Variants in SLAMF1 observed in about 807,000 individuals in gnomAD.
The protein encoded by SLAMF1 is signaling lymphocytic activation molecule family member 1.
In SLAMF1, 18 loss-of-function variants were observed where a neutral mutation model predicts 35.1. That is an observed-to-expected ratio of 0.51 (90% CI 0.35 to 0.76). The LOEUF is 0.76. Ranked by LOEUF, SLAMF1 falls within the 30% of genes least tolerant of loss-of-function variation. The pLI is 0.01. For missense variants in SLAMF1, 392 were observed against 413.0 expected (o/e 0.95, Z 0.44); for synonymous variants, 168 against 157.2 (o/e 1.07, Z -0.51).
Position 160,627,424 on chromosome 1 carries a change from T to C in SLAMF1, c.701-3239A>G, listed in dbSNP as rs895780878. Among the ~76,000 whole-genome samples the C allele has an allele frequency of 3.3e-5, 5 of 152,160 alleles. No homozygotes were observed. The East Asian group carries it at 9.6e-4, about 29-fold the overall frequency. ...GTCTCAGTAAATTCTTGTTGATTGA[T>C]TGGAAAGACAAGAAAATGAGTTTGA... On this transcript the variant is annotated intron_variant, in intron 3 of 6. Coordinates refer to ENST00000302035, the MANE Select transcript of SLAMF1 (RefSeq NM_003037.5).
In SLAMF1 at chr1:160,619,853, G is replaced by C; in HGVS notation, c.791-4C>G. 1.9e-6 allele frequency: 3 copies of C among 1,603,838 alleles called. No homozygotes were observed. Among genetic ancestry groups the C allele is most frequent in the Non-Finnish European group, 2.6e-6 (3 of 1,170,710 alleles). ...GTCTGGTAATGGTTCGTTTTACCTG[G>C]TGAAAAGAAACCATAATGGTTATCT... On this transcript the variant is annotated splice_region_variant and splice_polypyrimidine_tract_variant and intron_variant, in intron 4 of 6. Coordinates refer to ENST00000302035, the MANE Select transcript of SLAMF1 (RefSeq NM_003037.5).
chr1:160,635,534 T>A (rs970408675), intron 2 of SLAMF1, among the ~76,000 whole-genome samples: 10 of 151,926 alleles, frequency 6.6e-5, no homozygotes, highest in Non-Finnish European at 1.2e-4. Context: ...GCAACTATTA[T>A]AGGACAAGCA....
chr1:160,628,315 T>G (rs1250355687), intron 3 of SLAMF1, among the ~76,000 whole-genome samples: 1 of 152,188 alleles, frequency 6.6e-6, no homozygotes, highest in East Asian at 1.9e-4. Flanking sequence ...CCTAGCAGGT[T>G]CAGACTCTCT....
chr1:160,636,617 G>A (rs967907305), intron 2 of SLAMF1, among the ~76,000 whole-genome samples: 1 of 152,234 alleles, frequency 6.6e-6, no homozygotes, highest in Admixed American at 6.5e-5. Context: ...TATAACCAAA[G>A]CCTTTGTTTA....
At chr1:160,643,261 A>G (rs1367622663) in intron 1 of SLAMF1, among the ~76,000 whole-genome samples, 2 of 152,092 alleles carry the variant, frequency 1.3e-5, no homozygotes, top group African/African-American at 4.8e-5. Flanking sequence ...AGTCCGTTAC[A>G]TGTCTTGGCT....
At chr1:160,631,169 A>G (rs1234386011) in intron 3 of SLAMF1, among the ~76,000 whole-genome samples, 4 of 152,192 alleles carry the variant, frequency 2.6e-5, no homozygotes, top group Non-Finnish European at 5.9e-5. Flanking sequence ...AACTGGTAGT[A>G]TTCGTTATTC....
rs78822704 is a variant in SLAMF1, at chr1:160,643,726, G to A, written c.76+3144C>T. On this transcript the variant is annotated intron_variant, in intron 1 of 6. Transcript: ENST00000302035. ...GATCAAATCGGGTTAATTGGGATAT[G>A]TATCACCTTGAGTATTTCTCTTTTC... Among the ~76,000 whole-genome samples, 695 of 152,302 alleles carry A rather than the reference G, an allele frequency of 4.6e-3. 6 individuals carry two copies. The highest frequency in any genetic ancestry group is 0.015 in the African/African-American group (632 of 41,566).
At position 160,609,993 on chromosome 1, in the gene SLAMF1, C is replaced by A; in HGVS notation, c.*755G>T. 1 of 203,276 alleles carries A rather than the reference C, an allele frequency of 4.9e-6. No homozygotes were observed. Among genetic ancestry groups the A allele is most frequent in the South Asian group, 6.9e-5 (1 of 14,420 alleles). The allele number at this position is 203,276 out of a possible 1,614,324, so 12.6% of individuals were successfully genotyped here. On this transcript the variant is annotated 3_prime_UTR_variant, in exon 7 of 7. Coordinates refer to ENST00000302035, the MANE Select transcript of SLAMF1 (RefSeq NM_003037.5). ...ATTCCAAGCTCCTTTGTAACAGCACCATCAAACATTTGCTACGTTTTTCTT... is the reference window on the plus strand; with the variant it reads ...ATTCCAAGCTCCTTTGTAACAGCACAATCAAACATTTGCTACGTTTTTCTT...
chr1:160,640,325 C>CACATATAT (rs1303073948), intron 1 of SLAMF1, among the ~76,000 whole-genome samples: 52 of 94,120 alleles, frequency 5.5e-4, no homozygotes, highest in African/African-American at 2.1e-3. Context: ...TTAGGTTTGT[C>CACATATAT]ATATATATAT....
intron 5 of SLAMF1, among the ~76,000 whole-genome samples, chr1:160,614,568 G>A (rs1178989632): frequency 3.0e-5 from 3 of 99,208 alleles, no homozygotes; most frequent in African/African-American, 2.9e-5. Context: ...GTGAGACTCC[G>A]CATCACCAAA....
chr1:160,624,791 C>T (rs1659794567), intron 3 of SLAMF1, among the ~76,000 whole-genome samples: 1 of 152,170 alleles, frequency 6.6e-6, no homozygotes, highest in Non-Finnish European at 1.5e-5. Flanking sequence ...ATCATCAAGG[C>T]TCAAAATCAG....
In SLAMF1 at chr1:160,619,372, C is replaced by G. The variant is rs191286351; in HGVS notation, c.864+404G>C. On this transcript the variant is annotated intron_variant, in intron 5 of 6. Coordinates refer to ENST00000302035, the MANE Select transcript of SLAMF1 (RefSeq NM_003037.5). ...TCCTACCTTCCTTGTCACTTTTGCA[C>G]TTAGTAAATCCTAAACTTGGATCAG... Among the ~76,000 whole-genome samples the G allele has an allele frequency of 7.6e-4, 116 of 152,288 alleles. 1 individual carries two copies. Among genetic ancestry groups the G allele is most frequent in the African/African-American group, 2.7e-3 (112 of 41,550 alleles).
intron 5 of SLAMF1, among the ~76,000 whole-genome samples, chr1:160,618,443 A>G (rs1322099320): frequency 6.6e-6 from 1 of 151,848 alleles, no homozygotes; most frequent in Non-Finnish European, 1.5e-5. Flanking sequence ...GAGAGGACTA[A>G]AAGTGTGATT....
intron 4 of SLAMF1, 49 bp downstream of exon 4, chr1:160,624,047 G>T: frequency 7.5e-7 from 1 of 1,332,650 alleles, no homozygotes; most frequent in Non-Finnish European, 1.1e-6. Context: ...GAGGTCCCCT[G>T]CTTACCACAG....
chr1:160,639,784 T>C lies in SLAMF1; in HGVS notation c.77-2255A>G, dbSNP rs73024340. ...GATAGAATAAAACCATAGTCCATTA[T>C]TGATATGGCTTCAAAGGCCCTGCAT... On this transcript the variant is annotated intron_variant, in intron 1 of 6. Coordinates refer to ENST00000302035, the MANE Select transcript of SLAMF1 (RefSeq NM_003037.5). 2.4e-3 allele frequency among the ~76,000 whole-genome samples: 373 copies of C among 152,342 alleles called. 3 individuals are homozygous for C. The highest frequency in any genetic ancestry group is 8.4e-3 in the African/African-American group (349 of 41,572).
At chr1:160,622,569 T>A (rs966839676) in intron 4 of SLAMF1, among the ~76,000 whole-genome samples, 5 of 152,208 alleles carry the variant, frequency 3.3e-5, no homozygotes, top group Non-Finnish European at 7.3e-5. Flanking sequence ...TATCTGTCTA[T>A]GTATCTATCT....
chr1:160,611,947 C>T (rs1659010254), intron 6 of SLAMF1, among the ~76,000 whole-genome samples: 2 of 152,076 alleles, frequency 1.3e-5, no homozygotes, highest in Admixed American at 6.5e-5. Context: ...TTTTTAAATA[C>T]GTAGGTCTAT....
At chr1:160,615,650 C>A in intron 5 of SLAMF1, 1 of 222,936 alleles carries the variant, frequency 4.5e-6, no homozygotes, top group Non-Finnish European at 9.3e-6. Context: ...AAGATATGTC[C>A]AGGCAGAATG....
At chr1:160,637,657 C>A in intron 1 of SLAMF1, 128 bp from the exon 2 acceptor site, 1 of 643,038 alleles carries the variant, frequency 1.6e-6, no homozygotes, top group East Asian at 2.7e-5. Flanking sequence ...GTTGCCAAGT[C>A]CTTCGTGGTC....
Sources: gnomAD v4.1 joint callset for allele counts (sites outside exome capture counted in the v4.1 genomes callset) on GRCh38, gnomAD v4.1.1 for gene constraint, MANE v1.5 for transcripts, NCBI Gene and HGNC (gene_info 2026-07-23, HGNC 2026-07-21) for gene names.